The following CASD1 variants were observed in gnomAD, a reference collection of about 807,000 sequenced individuals.
CASD1 encodes CAS1 domain sialic acid O acetyltransferase 1, also known as N-acetylneuraminate (7)9-O-acetyltransferase.
A neutral mutation model predicts 100.0 loss-of-function variants in CASD1; 41 were observed. The ratio of observed to expected loss-of-function variants is 0.41; its 90% CI spans 0.32 to 0.53. The LOEUF (loss-of-function observed/expected upper bound fraction) is 0.53, where lower values mean the gene tolerates loss of function less well. Ranked by LOEUF, CASD1 falls within the 20% of genes least tolerant of loss-of-function variation. The probability of loss-of-function intolerance (pLI) is 0.25; values close to 1 mark genes in which losing one functional copy is unlikely to be tolerated. For synonymous variants in CASD1, 321 were observed against 315.6 expected (o/e 1.02, Z -0.18); for missense variants, 774 against 948.7 (o/e 0.82, Z 2.42).
chr7:94,611,697 A>T, the CASD1 span, among the ~76,000 whole-genome samples: 4 of 152,220 alleles, frequency 2.6e-5, no homozygotes, highest in Non-Finnish European at 5.9e-5. Context: ...ATGAAATGAA[A>T]TAAAAGTACA....
chr7:94,577,694 C>G, the CASD1 span, among the ~76,000 whole-genome samples: 11 of 152,160 alleles, frequency 7.2e-5, no homozygotes, highest in Non-Finnish European at 1.3e-4. Flanking sequence ...CTGGTAAGTT[C>G]TTTGGTTAAT....
At chr7:94,529,869 G>A (rs1298968664) in intron 5 of CASD1, among the ~76,000 whole-genome samples, 1 of 152,150 alleles carries the variant, frequency 6.6e-6, no homozygotes, top group Non-Finnish European at 1.5e-5. Flanking sequence ...AATAATATTT[G>A]AGAACTGTGA....
the CASD1 span, among the ~76,000 whole-genome samples, chr7:94,580,932 A>G: frequency 6.6e-6 from 1 of 152,172 alleles, no homozygotes; most frequent in African/African-American, 2.4e-5. Flanking sequence ...TCTCCAGGGA[A>G]CACTTACTCC....
At chr7:94,536,393 G>A (rs1282492979) in intron 8 of CASD1, among the ~76,000 whole-genome samples, 1 of 152,188 alleles carries the variant, frequency 6.6e-6, no homozygotes, top group East Asian at 1.9e-4. Context: ...TTCACAAACA[G>A]TGGAACAAAT....
chr7:94,626,179 TAGTC>T, the CASD1 span: 23 of 152,206 alleles, frequency 1.5e-4, no homozygotes, highest in Non-Finnish European at 2.8e-4. Context: ...TAGATACTCT[TAGTC>T]AGCTATATGT....
At chr7:94,517,866 C>G (rs1272682979) in intron 2 of CASD1, among the ~76,000 whole-genome samples, 1 of 152,146 alleles carries the variant, frequency 6.6e-6, no homozygotes, top group African/African-American at 2.4e-5. Context: ...TGTGTGATAA[C>G]TAGGCCTAAG....
chr7:94,546,539 C>G (rs910923833), intron 12 of CASD1, among the ~76,000 whole-genome samples: 2 of 151,866 alleles, frequency 1.3e-5, no homozygotes, highest in Non-Finnish European at 2.9e-5. Flanking sequence ...CCAGTAGTGT[C>G]TTTGGACAGC....
At chr7:94,633,409 A>G in the CASD1 span, among the ~76,000 whole-genome samples, 1 of 152,272 alleles carries the variant, frequency 6.6e-6, no homozygotes, top group South Asian at 2.1e-4. Flanking sequence ...AGAGAGAGCC[A>G]AAGGGTTATG....
chr7:94,533,351 T>A, intron 6 of CASD1, 102 bp downstream of exon 6: 1 of 873,256 alleles, frequency 1.1e-6, no homozygotes, highest in Non-Finnish European at 1.8e-6. Flanking sequence ...TGTACCTAAA[T>A]TTTTAATTCC....
chr7:94,591,476 A>C, the CASD1 span, among the ~76,000 whole-genome samples: 1 of 152,200 alleles, frequency 6.6e-6, no homozygotes, highest in Admixed American at 6.6e-5. Context: ...CTGACAAAAT[A>C]CAAAAATCAA....
chr7:94,627,908 G>A, the CASD1 span: 3 of 338,948 alleles, frequency 8.9e-6, no homozygotes, highest in Admixed American at 8.4e-5. Flanking sequence ...AGTCTATCAA[G>A]TCTACAATTA....
downstream of CASD1, among the ~76,000 whole-genome samples, chr7:94,557,500 A>T (rs559473536): frequency 2.6e-5 from 4 of 152,218 alleles, no homozygotes; most frequent in East Asian, 7.7e-4. Flanking sequence ...TAGCTTGCCA[A>T]TGAGTAGAGT....
chr7:94,535,602 T>C (rs2116326127), intron 8 of CASD1, 79 bp downstream of exon 8: 2 of 1,008,262 alleles, frequency 2.0e-6, no homozygotes, highest in East Asian at 4.8e-5. Flanking sequence ...ATAACATGGT[T>C]ATAAATAATT....
At chr7:94,563,825 A>G in the CASD1 span, among the ~76,000 whole-genome samples, 1 of 152,092 alleles carries the variant, frequency 6.6e-6, no homozygotes, top group Non-Finnish European at 1.5e-5. Flanking sequence ...GGAATACAAG[A>G]TGCAGCAATG....
At chr7:94,596,560 A>G in the CASD1 span, among the ~76,000 whole-genome samples, 3 of 152,156 alleles carry the variant, frequency 2.0e-5, no homozygotes, top group African/African-American at 7.2e-5. Context: ...AAGTGTATCA[A>G]CACACTAAGG....
At chr7:94,528,338 C>A (rs904000019) in intron 5 of CASD1, 88 bp downstream of exon 5, 2 of 910,046 alleles carry the variant, frequency 2.2e-6, no homozygotes, top group Non-Finnish European at 3.3e-6. Flanking sequence ...CTCACTTGTC[C>A]CACTCTCCTA....
chr7:94,529,461 T>C (rs1479457141), intron 5 of CASD1, among the ~76,000 whole-genome samples: 2 of 152,186 alleles, frequency 1.3e-5, no homozygotes, highest in Non-Finnish European at 2.9e-5. Flanking sequence ...AAAAGAAATA[T>C]TTAATTTATT....
At chr7:94,587,175 A>G in the CASD1 span, 1 of 985,092 alleles carries the variant, frequency 1.0e-6, no homozygotes, top group Non-Finnish European at 1.2e-6. Flanking sequence ...TTGTTTAGGC[A>G]TAAATTGTCC....
chr7:94,585,393 T>G, the CASD1 span: 10 of 991,632 alleles, frequency 1.0e-5, no homozygotes, highest in South Asian at 1.3e-4. Context: ...CCAACATGCA[T>G]AACATATGCC....
Sources: gnomAD v4.1 joint callset for allele counts (sites outside exome capture counted in the v4.1 genomes callset) on GRCh38, gnomAD v4.1.1 for gene constraint, MANE v1.5 for transcripts, NCBI Gene and HGNC (gene_info 2026-07-23, HGNC 2026-07-21) for gene names.